The following ABCC4 variants were observed in gnomAD, a reference collection of about 807,000 sequenced individuals.
ABCC4 encodes ATP-binding cassette sub-family C member 4.
In ABCC4, 102 loss-of-function variants were observed where a neutral mutation model predicts 168.5. That is an observed-to-expected ratio of 0.61 (90% confidence interval 0.52 to 0.71). The LOEUF is 0.71. Ranked by LOEUF, ABCC4 falls within the 30% of genes least tolerant of loss-of-function variation. The pLI is 0.00. For missense variants in ABCC4, 1,402 were observed against 1,605.8 expected (o/e 0.87, Z 2.17); for synonymous variants, 617 against 590.7 (o/e 1.04, Z -0.65).
At chr13:95,273,125 G>C (rs935961183) in intron 1 of ABCC4, among the ~76,000 whole-genome samples, 1 of 152,142 alleles carries the variant, frequency 6.6e-6, no homozygotes, top group Non-Finnish European at 1.5e-5. Context: ...CTAATTCAAA[G>C]AGCAATTTAT....
intron 1 of ABCC4, among the ~76,000 whole-genome samples, chr13:95,277,106 C>CT (rs1269948645): frequency 6.6e-6 from 1 of 152,090 alleles, no homozygotes; most frequent in Non-Finnish European, 1.5e-5. Context: ...AACAACAGGA[C>CT]TATAGGGAAA....
At chr13:95,078,857 GAATGAAATTCTTCA>G (rs1453142495) in intron 21 of ABCC4, among the ~76,000 whole-genome samples, 3 of 152,090 alleles carry the variant, frequency 2.0e-5, no homozygotes, top group African/African-American at 4.8e-5. Flanking sequence ...CAGAGTCCTG[GAATGAAATTCTTCA>G]ACATAGCTAT....
At chr13:95,232,253 T>C (rs554873329) in intron 4 of ABCC4, among the ~76,000 whole-genome samples, 22 of 152,186 alleles carry the variant, frequency 1.4e-4, no homozygotes, top group South Asian at 4.2e-4. Flanking sequence ...TACTGTACCA[T>C]AGACACTAAG....
chr13:95,117,592 G>A (rs148130794), intron 19 of ABCC4, among the ~76,000 whole-genome samples: 83 of 152,112 alleles, frequency 5.5e-4, no homozygotes, highest in East Asian at 1.7e-3. Flanking sequence ...TTTGTTTGTC[G>A]TCCTTCTTGT....
chr13:95,062,311 G>A (rs1306696828), intron 26 of ABCC4, among the ~76,000 whole-genome samples: 1 of 152,098 alleles, frequency 6.6e-6, no homozygotes, highest in Non-Finnish European at 1.5e-5. Context: ...CCTTTGAGAA[G>A]GTAGCTTTAG....
intron 14 of ABCC4, among the ~76,000 whole-genome samples, chr13:95,166,820 C>A (rs1416624977): frequency 6.6e-6 from 1 of 152,154 alleles, no homozygotes; most frequent in Non-Finnish European, 1.5e-5. Flanking sequence ...ATGGGCCCTG[C>A]TGGAAAAAGG....
chr13:95,212,468 C>G (rs1356140089), intron 4 of ABCC4, among the ~76,000 whole-genome samples: 2 of 152,108 alleles, frequency 1.3e-5, no homozygotes, highest in African/African-American at 2.4e-5. Context: ...ATGTCAACAC[C>G]AAACTCTAAG....
chr13:95,290,338 C>T (rs2041366340), intron 1 of ABCC4, among the ~76,000 whole-genome samples: 1 of 152,078 alleles, frequency 6.6e-6, no homozygotes, highest in Non-Finnish European at 1.5e-5. Context: ...AAATAATGCA[C>T]ATCAACAATC....
At chr13:95,219,031 G>C (rs2039236398) in intron 4 of ABCC4, among the ~76,000 whole-genome samples, 1 of 150,332 alleles carries the variant, frequency 6.7e-6, no homozygotes, top group Non-Finnish European at 1.5e-5. Context: ...GGAAGGAAAA[G>C]AAAAGAAAGG....
At chr13:95,166,066 A>C (rs2037260214) in intron 15 of ABCC4, 92 bp downstream of exon 15, 5 of 1,200,482 alleles carry the variant, frequency 4.2e-6, no homozygotes, top group Admixed American at 2.0e-5. Flanking sequence ...TTTGGGACAA[A>C]AGATGAAGCT....
At chr13:95,164,896 C>T (rs902509989) in intron 15 of ABCC4, among the ~76,000 whole-genome samples, 1 of 152,040 alleles carries the variant, frequency 6.6e-6, no homozygotes, top group Non-Finnish European at 1.5e-5. Context: ...AGGTTTTCAC[C>T]ATGTTGGCCA....
At chr13:95,157,095 C>A (rs1392922481) in intron 19 of ABCC4, among the ~76,000 whole-genome samples, 1 of 125,736 alleles carries the variant, frequency 8.0e-6, no homozygotes, top group Admixed American at 8.0e-5. Context: ...CTACCACACA[C>A]ACACACACAC....
intron 1 of ABCC4, among the ~76,000 whole-genome samples, chr13:95,265,540 G>A (rs1481583025): frequency 6.6e-6 from 1 of 152,200 alleles, no homozygotes; most frequent in Non-Finnish European, 1.5e-5. Context: ...GGAGGCTGAG[G>A]CTCGAGGACT....
At chr13:95,102,664 G>T (rs925219885) in intron 20 of ABCC4, among the ~76,000 whole-genome samples, 3 of 147,296 alleles carry the variant, frequency 2.0e-5, no homozygotes, top group African/African-American at 5.0e-5. Flanking sequence ...GTCTCGCCCT[G>T]TCTGGAGTGC....
At chr13:95,189,106 C>G in intron 9 of ABCC4, among the ~76,000 whole-genome samples, 1 of 123,390 alleles carries the variant, frequency 8.1e-6, no homozygotes, top group Non-Finnish European at 1.7e-5. Flanking sequence ...TCCATGTGTT[C>G]TCATTTAAAA....
intron 1 of ABCC4, among the ~76,000 whole-genome samples, chr13:95,287,868 C>T (rs1299622085): frequency 6.6e-6 from 1 of 151,866 alleles, no homozygotes. Flanking sequence ...CAGTGAAACC[C>T]CGTCTCTACT....
At chr13:95,264,716 A>T (rs2040622177) in intron 1 of ABCC4, among the ~76,000 whole-genome samples, 1 of 152,192 alleles carries the variant, frequency 6.6e-6, no homozygotes, top group South Asian at 2.1e-4. Context: ...CCTGGGCCCA[A>T]AAAATTAATA....
intron 26 of ABCC4, among the ~76,000 whole-genome samples, chr13:95,062,373 T>C (rs766675711): frequency 6.6e-6 from 1 of 152,080 alleles, no homozygotes; most frequent in Non-Finnish European, 1.5e-5. Flanking sequence ...CATCTCCCCA[T>C]AGAAACCTCC....
intron 20 of ABCC4, among the ~76,000 whole-genome samples, chr13:95,090,772 T>C (rs1437590789): frequency 2.0e-5 from 3 of 152,044 alleles, no homozygotes; most frequent in Admixed American, 6.6e-5. Context: ...GGATCCAAAC[T>C]GAGAAGAAAT....
Sources: allele counts gnomAD v4.1 joint callset (sites outside exome capture counted in the v4.1 genomes callset), GRCh38; gene constraint gnomAD v4.1.1; transcripts MANE v1.5; gene names NCBI Gene and HGNC (gene_info 2026-07-23, HGNC 2026-07-21).